The following NARS2 variants were observed in gnomAD, a reference collection of about 807,000 sequenced individuals.
NARS2 encodes asparaginyl-tRNA synthetase.
In NARS2, 60 loss-of-function variants were observed where a neutral mutation model predicts 62.9. The observed-to-expected ratio is 0.95, with a 90% confidence interval of 0.77 to 1.18. The LOEUF (loss-of-function observed/expected upper bound fraction) is 1.18. Among genes scored for constraint, NARS2 ranks in the 50% most tolerant of loss-of-function variants. The pLI is 0.00. For missense variants in NARS2, 619 were observed against 576.4 expected, an observed-to-expected ratio of 1.07 and a Z score of -0.76; for synonymous variants, 196 against 200.0, an observed-to-expected ratio of 0.98 and a Z score of 0.17.
At chr11:78,439,648 A>T (rs1857515333) in intron 13 of NARS2, among the ~76,000 whole-genome samples, 1 of 152,166 alleles carries the variant, frequency 6.6e-6, no homozygotes, top group South Asian at 2.1e-4. Context: ...GGTTAATATA[A>T]GGCATTCAAA....
At chr11:78,563,836 A>C (rs1856636511) in intron 4 of NARS2, among the ~76,000 whole-genome samples, 1 of 64,294 alleles carries the variant, frequency 1.6e-5, no homozygotes, top group African/African-American at 9.1e-5. Flanking sequence ...TATCAAAAAA[A>C]AAAAAAAAAA....
intron 6 of NARS2, among the ~76,000 whole-genome samples, chr11:78,494,253 T>G (rs988968749): frequency 6.6e-6 from 1 of 152,212 alleles, no homozygotes; most frequent in Non-Finnish European, 1.5e-5. Context: ...ACAGCTGAGA[T>G]TAGATCAAGC....
At chr11:78,446,590 T>G (rs1258867408) in intron 11 of NARS2, among the ~76,000 whole-genome samples, 2 of 152,154 alleles carry the variant, frequency 1.3e-5, no homozygotes, top group Non-Finnish European at 2.9e-5. Context: ...AAAAGAATAG[T>G]CAACCAGTGG....
intron 5 of NARS2, among the ~76,000 whole-genome samples, chr11:78,531,227 A>C (rs1435831285): frequency 6.6e-6 from 1 of 152,200 alleles, no homozygotes; most frequent in Admixed American, 6.5e-5. Context: ...AGCCAAAAAA[A>C]AGGCAAATTA....
intron 7 of NARS2, among the ~76,000 whole-genome samples, chr11:78,486,270 G>A (rs943638682): frequency 2.0e-5 from 3 of 152,140 alleles, no homozygotes; most frequent in South Asian, 2.1e-4. Flanking sequence ...TAAGACCTGG[G>A]AGAAATCTGT....
Position 78,545,300 on chromosome 11 carries a change from C to T in NARS2, c.594+14239G>A, listed in dbSNP as rs148643778. On this transcript the variant is annotated intron_variant, in intron 5 of 13. Coordinates refer to ENST00000281038, the MANE Select transcript of NARS2 (RefSeq NM_024678.6). ...ACACCTCATAAAGATGAACATCACT[C>T]ACATATATAATTTGCACCTACTCCC... Among the ~76,000 whole-genome samples the T allele has an allele frequency of 4.4e-4, 67 of 152,154 alleles. 1 individual carries two copies. The East Asian group carries it at 0.012, about 26-fold the overall frequency.
chr11:78,538,979 A>G (rs1447120163), intron 5 of NARS2, among the ~76,000 whole-genome samples: 1 of 112,418 alleles, frequency 8.9e-6, no homozygotes, highest in Non-Finnish European at 1.7e-5. Flanking sequence ...TGGGCGACAG[A>G]GCGAGAATCC....
chr11:78,439,224 A>G (rs1463088163), intron 13 of NARS2, among the ~76,000 whole-genome samples: 4 of 152,088 alleles, frequency 2.6e-5, no homozygotes, highest in Non-Finnish European at 4.4e-5. Flanking sequence ...TTTTTGGTAG[A>G]GATGGGGTTT....
chr11:78,469,453 T>C, intron 9 of NARS2, 140 bp from the exon 10 acceptor site: 1 of 626,756 alleles, frequency 1.6e-6, no homozygotes, highest in East Asian at 2.8e-5. Flanking sequence ...GATCTAATCC[T>C]ATGAAAGAAT....
intron 6 of NARS2, among the ~76,000 whole-genome samples, chr11:78,525,700 G>A (rs535357630): frequency 1.3e-5 from 2 of 152,068 alleles, no homozygotes; most frequent in Admixed American, 1.3e-4. Flanking sequence ...CCAGTGAGGG[G>A]AGACTAGACT....
chr11:78,553,898 T>C (rs1262018897), intron 5 of NARS2, among the ~76,000 whole-genome samples: 1 of 152,184 alleles, frequency 6.6e-6, no homozygotes, highest in African/African-American at 2.4e-5. Flanking sequence ...CTTTAATCCA[T>C]CTTGAGTTGA....
chr11:78,560,910 C>G (rs60336437), intron 4 of NARS2, among the ~76,000 whole-genome samples: 1 of 151,942 alleles, frequency 6.6e-6, no homozygotes, highest in Non-Finnish European at 1.5e-5. Context: ...TCCACATGAA[C>G]GTAGGCAACT....
intron 4 of NARS2, among the ~76,000 whole-genome samples, chr11:78,563,498 G>A (rs1856621637): frequency 1.3e-5 from 2 of 151,770 alleles, no homozygotes; most frequent in South Asian, 2.1e-4. Context: ...TTTCAGGAGT[G>A]AGCCACAGCG....
At position 78,571,370 on chromosome 11, in the gene NARS2, G is replaced by A; in HGVS notation, c.216C>T (p.Ser72=). 6.2e-7 allele frequency: 1 copy of A among 1,613,356 alleles called. No homozygotes were observed. Among genetic ancestry groups the A allele is most frequent in the Non-Finnish European group, 8.5e-7 (1 of 1,179,738 alleles). The change falls in exon 2 of 14, where the codon AGC becomes AGT. Residue 72 remains serine (S), a synonymous_variant. Transcript: ENST00000281038. ...LHVNDGSSLE[S]LQVVADSGLD... ...GGCCTGAATCTGCAACAACCTGAAGGCTTTCCAAAGATGACCCATCATTTA... is the reference window on the plus strand; with the variant it reads ...GGCCTGAATCTGCAACAACCTGAAGACTTTCCAAAGATGACCCATCATTTA...
chr11:78,439,167 A>G (rs563753351), intron 13 of NARS2, among the ~76,000 whole-genome samples: 73 of 152,140 alleles, frequency 4.8e-4, no homozygotes, highest in African/African-American at 1.7e-3. Context: ...CCTCCGGAGT[A>G]GCTGGGAATA....
At chr11:78,554,025 G>C (rs1285162955) in intron 5 of NARS2, among the ~76,000 whole-genome samples, 1 of 152,148 alleles carries the variant, frequency 6.6e-6, no homozygotes, top group African/African-American at 2.4e-5. Flanking sequence ...GTTTTTGTCA[G>C]CTTTGGGGAG....
intron 8 of NARS2, 27 bp from the exon 9 acceptor site, chr11:78,478,502 T>A: frequency 8.1e-7 from 1 of 1,230,980 alleles, no homozygotes; most frequent in East Asian, 2.6e-5. Flanking sequence ...AAAAGAAAAT[T>A]TTAAAAATAT....
intron 6 of NARS2, among the ~76,000 whole-genome samples, chr11:78,512,007 C>T (rs1312666604): frequency 6.6e-6 from 1 of 152,176 alleles, no homozygotes; most frequent in East Asian, 1.9e-4. Context: ...CCAGGAACCC[C>T]AGAAGGGGCA....
chr11:78,447,786 A>T (rs1857815217), intron 11 of NARS2, among the ~76,000 whole-genome samples: 2 of 152,182 alleles, frequency 1.3e-5, no homozygotes, highest in Admixed American at 1.3e-4. Flanking sequence ...TACATATGGA[A>T]TCTAATAAGC....
Sources: allele counts gnomAD v4.1 joint callset (sites outside exome capture counted in the v4.1 genomes callset), GRCh38; gene constraint gnomAD v4.1.1; transcripts MANE v1.5; gene names NCBI Gene and HGNC (gene_info 2026-07-23, HGNC 2026-07-21).